SAXO1: variants seen among roughly 807,000 people sequenced by gnomAD.
SAXO1 encodes 4930500O09Rik.
In SAXO1, 21 loss-of-function variants were observed where a neutral mutation model predicts 17.5. That is an observed-to-expected ratio of 1.20 (90% confidence interval 0.85 to 1.72). The LOEUF (loss-of-function observed/expected upper bound fraction) is 1.72, where lower values mean the gene tolerates loss of function less well. Among genes scored for constraint, SAXO1 ranks in the 40% most tolerant of loss-of-function variants. The probability of loss-of-function intolerance (pLI) is 0.00; values close to 1 mark genes in which losing one functional copy is unlikely to be tolerated. For synonymous variants in SAXO1, 274 were observed against 216.5 expected, an observed-to-expected ratio of 1.27 and a Z score of -2.33; for missense variants, 843 against 596.0, an observed-to-expected ratio of 1.41 and a Z score of -4.32.
chr9:18,964,216 A>C (rs1832620734), intron 1 of SAXO1, among the ~76,000 whole-genome samples: 1 of 152,154 alleles, frequency 6.6e-6, no homozygotes, highest in Non-Finnish European at 1.5e-5. Flanking sequence ...CATCAGGGAT[A>C]TTGGCCTGAA....
At chr9:19,025,040 G>T (rs943290625) in intron 1 of SAXO1, among the ~76,000 whole-genome samples, 4 of 152,016 alleles carry the variant, frequency 2.6e-5, no homozygotes, top group African/African-American at 9.7e-5. Flanking sequence ...ATACCCACTT[G>T]TACTCATTTT....
intron 1 of SAXO1, among the ~76,000 whole-genome samples, chr9:19,047,463 A>G (rs969704506): frequency 1.3e-5 from 2 of 152,256 alleles, no homozygotes; most frequent in Non-Finnish European, 2.9e-5. Flanking sequence ...TACATCATCA[A>G]ACAATTCAAG....
rs543147843 is a variant in SAXO1, at chr9:19,022,135, C to T, written c.38+10736G>A. Among the ~76,000 whole-genome samples, 466 of 152,348 alleles carry T rather than the reference C, an allele frequency of 3.1e-3. 8 individuals carry two copies. In the South Asian group the frequency reaches 0.045, roughly 15 times the overall value. On this transcript the variant is annotated intron_variant, in intron 1 of 3. Transcript: ENST00000380534. Reference sequence around the variant, plus strand: ...TTCATTCCTGAAATCAGCAAGACCACGAACCCACGGGGAGAAACGAACAAC... The same window carrying T: ...TTCATTCCTGAAATCAGCAAGACCATGAACCCACGGGGAGAAACGAACAAC...
intron 1 of SAXO1, among the ~76,000 whole-genome samples, chr9:18,968,183 C>G (rs1832803527): frequency 6.6e-6 from 1 of 152,162 alleles, no homozygotes; most frequent in Admixed American, 6.5e-5. Flanking sequence ...ACTGGAGCTG[C>G]TTTTATTCAG....
intron 1 of SAXO1, among the ~76,000 whole-genome samples, chr9:18,997,743 C>T (rs1282834066): frequency 6.6e-6 from 1 of 152,172 alleles, no homozygotes; most frequent in Non-Finnish European, 1.5e-5. Flanking sequence ...CAGGTGGGTG[C>T]CGATCAAGGA....
intron 1 of SAXO1, among the ~76,000 whole-genome samples, chr9:18,952,573 C>T (rs997960647): frequency 1.3e-5 from 2 of 152,144 alleles, no homozygotes; most frequent in Non-Finnish European, 2.9e-5. Flanking sequence ...TAACAAGTAC[C>T]ATTAGAGATA....
At chr9:19,021,362 C>T (rs1296048073) in intron 1 of SAXO1, among the ~76,000 whole-genome samples, 1 of 152,226 alleles carries the variant, frequency 6.6e-6, no homozygotes, top group African/African-American at 2.4e-5. Context: ...AAGACACATA[C>T]TCCCAACTAG....
chr9:19,038,652 T>C (rs948134790), intron 1 of SAXO1, among the ~76,000 whole-genome samples: 2 of 150,532 alleles, frequency 1.3e-5, no homozygotes, highest in Non-Finnish European at 3.0e-5. Context: ...ATATACCTAA[T>C]GCTAAATGAC....
chr9:19,027,775 G>T, intron 1 of SAXO1: 1 of 1,507,882 alleles, frequency 6.6e-7, no homozygotes. Context: ...TGGAGCTTCT[G>T]AACCAGCTGG....
intron 1 of SAXO1, among the ~76,000 whole-genome samples, chr9:19,012,693 A>G (rs1360229407): frequency 7.3e-6 from 1 of 137,378 alleles, no homozygotes; most frequent in Non-Finnish European, 1.6e-5. Flanking sequence ...TCAGACAAGC[A>G]ACCTGTGATT....
At chr9:18,990,997 T>C (rs10811079) in intron 1 of SAXO1, among the ~76,000 whole-genome samples, 89,747 of 152,012 alleles carry the variant, frequency 0.59, 26,624 homozygotes, top group Non-Finnish European at 0.64. Context: ...GTGACTCACA[T>C]CTGTAATCTC....
intron 3 of SAXO1, among the ~76,000 whole-genome samples, chr9:18,932,597 A>C (rs1189835005): frequency 6.6e-6 from 1 of 152,200 alleles, no homozygotes; most frequent in Admixed American, 6.5e-5. Context: ...TTTGATAGGA[A>C]TTGCATTGAA....
intron 1 of SAXO1, among the ~76,000 whole-genome samples, chr9:19,030,893 G>C (rs184328294): frequency 6.6e-6 from 1 of 152,218 alleles, no homozygotes; most frequent in East Asian, 1.9e-4. Context: ...AAAGCACTTT[G>C]AGAAGATGAA....
At chr9:19,039,667 G>C (rs1836027887) in intron 1 of SAXO1, among the ~76,000 whole-genome samples, 1 of 152,222 alleles carries the variant, frequency 6.6e-6, no homozygotes, top group Non-Finnish European at 1.5e-5. Flanking sequence ...TAAGAACCTA[G>C]ATGAAACAAG....
chr9:19,032,770 AC>A, intron 1 of SAXO1, 100 bp downstream of exon 1: 1 of 1,342,472 alleles, frequency 7.4e-7, no homozygotes, highest in Non-Finnish European at 1.0e-6. Context: ...GGACGAACCC[AC>A]CGTGATGCCG....
chr9:19,008,802 G>A (rs1037427926), intron 1 of SAXO1, among the ~76,000 whole-genome samples: 7 of 152,186 alleles, frequency 4.6e-5, no homozygotes, highest in African/African-American at 1.7e-4. Flanking sequence ...AGCCACTGCA[G>A]GGGACTTTTT....
At chr9:18,974,281 T>C (rs1168226334) in intron 1 of SAXO1, among the ~76,000 whole-genome samples, 2 of 152,198 alleles carry the variant, frequency 1.3e-5, no homozygotes, top group African/African-American at 4.8e-5. Flanking sequence ...ATTGGAAGTA[T>C]TGGTATGAAC....
chr9:19,004,989 G>T (rs533386511), intron 1 of SAXO1, among the ~76,000 whole-genome samples: 1 of 152,234 alleles, frequency 6.6e-6, no homozygotes, highest in African/African-American at 2.4e-5. Flanking sequence ...TTGAATTTCT[G>T]CACACTAACA....
At chr9:18,942,002 A>G (rs1831584569) in intron 2 of SAXO1, among the ~76,000 whole-genome samples, 163 bp from the exon 3 acceptor site, 2 of 152,082 alleles carry the variant, frequency 1.3e-5, no homozygotes, top group South Asian at 4.2e-4. Flanking sequence ...CACTTTTGAG[A>G]AGGGTACCAT....
Sources: gnomAD v4.1 joint callset for allele counts (sites outside exome capture counted in the v4.1 genomes callset) on GRCh38, gnomAD v4.1.1 for gene constraint, MANE v1.5 for transcripts, NCBI Gene and HGNC (gene_info 2026-07-23, HGNC 2026-07-21) for gene names.